PAX8: variants seen among roughly 807,000 people sequenced by gnomAD.
PAX8 encodes the protein paired box protein Pax-8.
In PAX8, 15 loss-of-function variants were observed where a neutral mutation model predicts 52.4. The observed-to-expected ratio is 0.29, with a 90% CI of 0.19 to 0.44. PAX8 has a LOEUF of 0.44. Among genes scored for constraint, PAX8 ranks in the 20% least tolerant of loss-of-function variants. The pLI is 1.00. For synonymous variants in PAX8, 284 were observed against 249.7 expected (o/e 1.14, Z -1.29); for missense variants, 554 against 602.5 (o/e 0.92, Z 0.84).
intron 2 of PAX8, among the ~76,000 whole-genome samples, chr2:113,253,300 T>C (rs72831831): frequency 0.051 from 7,697 of 152,296 alleles, 235 homozygotes; most frequent in Non-Finnish European, 0.079. Flanking sequence ...TCATACCTAC[T>C]ACCCATCTCA....
At chr2:113,226,229 C>G in intron 10 of PAX8, 1 of 985,416 alleles carries the variant, frequency 1.0e-6, no homozygotes. Flanking sequence ...TAGGTAAATA[C>G]GCCAAGTCTC....
In PAX8 at chr2:113,278,420, C is replaced by G. The variant is rs752109023; in HGVS notation, c.-26G>C. The G allele has an allele frequency of 2.4e-5, 38 of 1,610,444 alleles. No homozygotes were observed. The Admixed American group carries it at 5.3e-4, about 23-fold the overall frequency. ...CGCCGGGGAGTCGCTCGCAGCCCGC[C>G]GAGGGCTCGGGGCTTCCTCCCGTAG... On this transcript the variant is annotated 5_prime_UTR_variant, in exon 2 of 12. Coordinates refer to ENST00000429538, the MANE Select transcript of PAX8 (RefSeq NM_003466.4).
chr2:113,248,072 G>T (rs965048359), intron 2 of PAX8, among the ~76,000 whole-genome samples: 3 of 152,170 alleles, frequency 2.0e-5, no homozygotes, highest in African/African-American at 7.2e-5. Context: ...GGAACAGAAT[G>T]TGCAAAGACT....
chr2:113,249,602 C>T (rs942415992), intron 2 of PAX8, among the ~76,000 whole-genome samples: 3 of 151,976 alleles, frequency 2.0e-5, no homozygotes, highest in Admixed American at 1.3e-4. Flanking sequence ...AAAAAGAAAA[C>T]GACGCTGTAA....
intron 2 of PAX8, among the ~76,000 whole-genome samples, chr2:113,253,942 A>G (rs754598880): frequency 2.0e-5 from 3 of 152,228 alleles, no homozygotes; most frequent in Non-Finnish European, 4.4e-5. Context: ...CTATATATGT[A>G]TGAATCATAA....
chr2:113,274,021 CGTGCGTGTGT>C (rs547128782), intron 2 of PAX8: 3 of 152,076 alleles, frequency 2.0e-5, no homozygotes, highest in East Asian at 1.9e-4. Flanking sequence ...TCATTCCAGA[CGTGCGTGTGT>C]GTGCGTGTGT....
intron 10 of PAX8, among the ~76,000 whole-genome samples, chr2:113,224,214 G>C (rs1431678194): frequency 1.3e-5 from 2 of 152,142 alleles, no homozygotes; most frequent in African/African-American, 4.8e-5. Flanking sequence ...TGGATGGAAA[G>C]ATGGATGATA....
intron 2 of PAX8, chr2:113,272,929 AAAAC>A (rs1693562791): frequency 6.6e-6 from 1 of 152,238 alleles, no homozygotes; most frequent in Non-Finnish European, 1.5e-5. Context: ...GTTTTCAACT[AAAAC>A]AAAAGCAAAA....
chr2:113,219,991 T>G (rs527809841), intron 11 of PAX8, 101 bp downstream of exon 11: 109 of 780,348 alleles, frequency 1.4e-4, no homozygotes, highest in Non-Finnish European at 2.2e-4. Context: ...CTCTGTATAA[T>G]CTGAGGACTC....
intron 2 of PAX8, chr2:113,269,011 C>T (rs1266676271): frequency 1.3e-5 from 2 of 152,188 alleles, no homozygotes; most frequent in Non-Finnish European, 2.9e-5. Flanking sequence ...CTGCCATGTC[C>T]CCAGGGAATA....
At chr2:113,240,691 T>C (rs1267319565) in intron 7 of PAX8, 1 of 152,308 alleles carries the variant, frequency 6.6e-6, no homozygotes, top group Non-Finnish European at 1.5e-5. Flanking sequence ...GCAAGAAAAA[T>C]TCGCTGTAGC....
In PAX8 at chr2:113,242,058, C is replaced by G. The variant is rs1310673176; in HGVS notation, c.551G>C (p.Gly184Ala). ...DSLGSTYSIN[G>A]LLGIAQPGSD... ...GCCAGGCTGAGCGATGCCCAGGAGC[C>G]CATTGATGGAGTAGGTGGAGCCCAG... Residue 184 changes from glycine (G) to alanine (A), a missense_variant, in exon 6 of 12, where the codon GGG becomes GCG. Physicochemically the swap from Gly to Ala is moderately conservative, Grantham distance 60 (BLOSUM62 0). Transcript: ENST00000429538. The G allele has an allele frequency of 1.9e-6, 3 of 1,613,654 alleles. No individual in the cohort carries two copies. The Admixed American group carries it at 5.0e-5, about 27-fold the overall frequency.
intron 10 of PAX8, chr2:113,226,675 A>G (rs942469071): frequency 1.8e-6 from 2 of 1,100,672 alleles, no homozygotes; most frequent in African/African-American, 1.6e-5. Flanking sequence ...CATCGTCATC[A>G]TCATCATCAT....
chr2:113,225,524 T>C (rs1200690369), intron 10 of PAX8: 2 of 152,242 alleles, frequency 1.3e-5, no homozygotes, highest in Non-Finnish European at 2.9e-5. Flanking sequence ...AGCCCAACTG[T>C]GTAGGGCAAG....
In PAX8 at chr2:113,278,830, C is replaced by CCTGG; in HGVS notation, c.-79_-76dup. On this transcript the variant is annotated splice_region_variant and 5_prime_UTR_variant. Coordinates refer to ENST00000429538, the MANE Select transcript of PAX8 (RefSeq NM_003466.4). ...TTCCAGCTAACCCCTGGGTGACATA[C>CCTGG]CTGGCCGGCCGGCTGCAGGCCCTCA... 9.4e-7 allele frequency: 1 copy of CCTGG among 1,067,288 alleles called. No individual in the cohort carries two copies. The highest frequency in any genetic ancestry group is 1.1e-6 in the Non-Finnish European group (1 of 879,418). 66.1% of individuals were successfully genotyped at this position (1,067,288 alleles called of 1,614,324 possible).
intron 7 of PAX8, chr2:113,241,318 G>C: frequency 1.6e-6 from 1 of 610,756 alleles, no homozygotes; most frequent in Non-Finnish European, 2.9e-6. Context: ...ATCCCTGAAA[G>C]GCCCAGGCTC....
intron 3 of PAX8, among the ~76,000 whole-genome samples, chr2:113,245,029 G>T (rs973175997): frequency 6.6e-6 from 1 of 150,528 alleles, no homozygotes; most frequent in African/African-American, 2.5e-5. Flanking sequence ...GCTAAAGCAC[G>T]ACTGAGGTTT....
At chr2:113,244,723 T>A in intron 3 of PAX8, 99 bp from the exon 4 acceptor site, 2 of 1,113,562 alleles carry the variant, frequency 1.8e-6, no homozygotes, top group Non-Finnish European at 2.7e-6. Context: ...GGCTTCTGGG[T>A]AGGGGTATGA....
intron 8 of PAX8, chr2:113,236,281 G>A (rs1429426148): frequency 4.7e-6 from 1 of 211,358 alleles, no homozygotes; most frequent in Non-Finnish European, 8.8e-6. Context: ...GACCGGAGGC[G>A]CGACCCCTCG....
Sources: allele counts gnomAD v4.1 joint callset (sites outside exome capture counted in the v4.1 genomes callset), GRCh38; gene constraint gnomAD v4.1.1; transcripts MANE v1.5; gene names NCBI Gene and HGNC (gene_info 2026-07-23, HGNC 2026-07-21).